Variants in COL25A1 observed in about 807,000 individuals in gnomAD.
COL25A1 encodes the protein collagen alpha-1(XXV) chain.
COL25A1 carries 103 observed loss-of-function variants against 128.4 expected under a neutral mutation model. The ratio of observed to expected loss-of-function variants is 0.80; its 90% confidence interval spans 0.68 to 0.94. The LOEUF (loss-of-function observed/expected upper bound fraction) is 0.94, where lower values mean the gene tolerates loss of function less well. COL25A1 is among the 40% of genes least tolerant of loss of function. The pLI, the probability that COL25A1 is intolerant of heterozygous loss-of-function variation, is 0.00. For missense variants in COL25A1, 745 were observed against 840.0 expected, an observed-to-expected ratio of 0.89 and a Z score of 1.40; for synonymous variants, 279 against 277.2, an observed-to-expected ratio of 1.01 and a Z score of -0.06.
intron 6 of COL25A1, among the ~76,000 whole-genome samples, chr4:108,996,289 G>GAA (rs1237222386): frequency 1.0e-3 from 14 of 13,662 alleles, no homozygotes; most frequent in African/African-American, 1.2e-3. Context: ...AAGCAAATGG[G>GAA]AAAAAAAAAA....
chr4:108,860,573 CTTTT>C (rs200500844), intron 23 of COL25A1, among the ~76,000 whole-genome samples: 1 of 150,982 alleles, frequency 6.6e-6, no homozygotes. Context: ...TCATAATTCC[CTTTT>C]TTTTTAAAAA....
chr4:108,817,495 A>T (rs552873274), intron 36 of COL25A1, 60 bp from the exon 37 acceptor site: 31 of 1,498,294 alleles, frequency 2.1e-5, no homozygotes, highest in Non-Finnish European at 2.8e-5. Context: ...AAACTTCATA[A>T]TTCACATGCT....
chr4:109,200,181 T>C (rs1776434952), intron 3 of COL25A1, among the ~76,000 whole-genome samples: 2 of 152,324 alleles, frequency 1.3e-5, no homozygotes, highest in Non-Finnish European at 2.9e-5. Context: ...TCGAAGTCTT[T>C]CTCCAGCAGC....
chr4:109,132,832 G>A (rs778624742), intron 3 of COL25A1, among the ~76,000 whole-genome samples: 4 of 151,938 alleles, frequency 2.6e-5, no homozygotes, highest in Non-Finnish European at 5.9e-5. Flanking sequence ...TTACTTTGTG[G>A]AAATATGTTC....
At chr4:108,981,492 G>A (rs1286249556) in intron 6 of COL25A1, among the ~76,000 whole-genome samples, 1 of 152,150 alleles carries the variant, frequency 6.6e-6, no homozygotes, top group African/African-American at 2.4e-5. Flanking sequence ...TAGATAAATT[G>A]TGTGTGTGGA....
intron 3 of COL25A1, among the ~76,000 whole-genome samples, chr4:109,258,867 A>T (rs1400323252): frequency 6.6e-6 from 1 of 152,216 alleles, no homozygotes; most frequent in African/African-American, 2.4e-5. Context: ...AAATATAATC[A>T]TTAAAATTCC....
At chr4:108,910,951 T>C (rs1287689171) in intron 13 of COL25A1, among the ~76,000 whole-genome samples, 1 of 152,164 alleles carries the variant, frequency 6.6e-6, no homozygotes, top group Non-Finnish European at 1.5e-5. Flanking sequence ...TGATGCTGTC[T>C]CACAGTTGGA....
chr4:108,829,387 GTATCTATCTATCTATCTATCTATCTATC>G (rs34296727), intron 32 of COL25A1, among the ~76,000 whole-genome samples: 1 of 147,570 alleles, frequency 6.8e-6, no homozygotes, highest in South Asian at 2.2e-4. Flanking sequence ...GTGTAAGTGT[GTATCTATCTATCTATCTATCTATCTATC>G]TATCTATCTA....
intron 11 of COL25A1, 100 bp from the exon 12 acceptor site, chr4:108,920,704 C>T: frequency 2.6e-6 from 2 of 770,984 alleles, no homozygotes; most frequent in South Asian, 2.6e-5. Context: ...CTTTGCTGTA[C>T]TGAAATATGT....
chr4:109,146,805 A>T (rs185204917), intron 3 of COL25A1, among the ~76,000 whole-genome samples: 1 of 152,280 alleles, frequency 6.6e-6, no homozygotes, highest in East Asian at 1.9e-4. Context: ...CCCATTATTT[A>T]TTTCAATTAA....
In COL25A1 at chr4:108,838,280, G is replaced by A. The variant is rs538095634; in HGVS notation, c.1656+3415C>T. 50 of 779,044 alleles carry A rather than the reference G, an allele frequency of 6.4e-5. 1 individual carries two copies. The South Asian group carries it at 6.7e-4, about 11-fold the overall frequency. The allele number at this position is 779,044 out of a possible 1,614,324, so 48.3% of individuals were successfully genotyped here. A position where few individuals can be genotyped will look rare whatever the true frequency, so the allele number is the denominator to read the frequency against. The stretch of plus-strand genomic sequence containing the variant: ...AAATAGTTGCAGATTCCAGTTTTAG[G>A]AAACAGCAGAGTCAGGCTAGATTTG... On this transcript the variant is annotated intron_variant, in intron 31 of 37. Transcript: ENST00000399132.
chr4:109,157,831 T>C (rs752160157), intron 3 of COL25A1, among the ~76,000 whole-genome samples: 1 of 152,204 alleles, frequency 6.6e-6, no homozygotes, highest in Non-Finnish European at 1.5e-5. Flanking sequence ...CTCTAGGCTA[T>C]TGGCACCTAG....
chr4:109,278,089 C>T (rs926581635), intron 3 of COL25A1, among the ~76,000 whole-genome samples: 2 of 150,700 alleles, frequency 1.3e-5, no homozygotes, highest in Non-Finnish European at 3.0e-5. Flanking sequence ...GAGCCGAGAT[C>T]ACACCACTGC....
At chr4:109,173,829 AT>A (rs1025618817) in intron 3 of COL25A1, among the ~76,000 whole-genome samples, 2 of 151,190 alleles carry the variant, frequency 1.3e-5, no homozygotes, top group African/African-American at 2.4e-5. Flanking sequence ...GAGGATTTGT[AT>A]TTTTTTTTCT....
intron 13 of COL25A1, among the ~76,000 whole-genome samples, chr4:108,914,849 C>T (rs182155684): frequency 1.3e-5 from 2 of 152,146 alleles, no homozygotes; most frequent in South Asian, 2.1e-4. Context: ...GAGAATACTA[C>T]TAGAGACACT....
At chr4:108,945,460 T>G (rs193030168) in intron 8 of COL25A1, among the ~76,000 whole-genome samples, 1 of 152,302 alleles carries the variant, frequency 6.6e-6, no homozygotes, top group African/African-American at 2.4e-5. Context: ...GATATAATTT[T>G]TATTAACCAT....
intron 19 of COL25A1, among the ~76,000 whole-genome samples, chr4:108,872,778 T>C (rs533709328): frequency 1.2e-4 from 18 of 152,276 alleles, no homozygotes; most frequent in Non-Finnish European, 2.1e-4. Context: ...ATGTCATTCT[T>C]CCTGCTCTTT....
chr4:108,881,680 CTA>C (rs1485666942), intron 19 of COL25A1, among the ~76,000 whole-genome samples: 3 of 110,852 alleles, frequency 2.7e-5, no homozygotes, highest in African/African-American at 8.6e-5. Context: ...GTTAAGAAAA[CTA>C]TGTCATAAAA....
chr4:109,147,662 C>T (rs903996403), intron 3 of COL25A1, among the ~76,000 whole-genome samples: 3 of 151,786 alleles, frequency 2.0e-5, no homozygotes, highest in African/African-American at 7.3e-5. Context: ...AGTCAAAATA[C>T]AAAAATTAGC....
Sources: gnomAD v4.1 joint callset for allele counts (sites outside exome capture counted in the v4.1 genomes callset) on GRCh38, gnomAD v4.1.1 for gene constraint, MANE v1.5 for transcripts, NCBI Gene and HGNC (gene_info 2026-07-23, HGNC 2026-07-21) for gene names.